DYNC2H1: variants seen among roughly 807,000 people sequenced by gnomAD.
DYNC2H1 encodes the protein cytoplasmic dynein 2 heavy chain 1.
Under a neutral mutation model 570.0 loss-of-function variants are expected in DYNC2H1, and 410 were observed. The observed-to-expected ratio is 0.72, with a 90% CI of 0.66 to 0.78. DYNC2H1 has a LOEUF of 0.78. Among genes scored for constraint, DYNC2H1 ranks in the 30% least tolerant of loss-of-function variants. The probability of loss-of-function intolerance (pLI) is 0.00; values close to 1 mark genes in which losing one functional copy is unlikely to be tolerated. For synonymous variants in DYNC2H1, 1,688 were observed against 1,677.6 expected (o/e 1.01, Z -0.15); for missense variants, 4,865 against 5,046.4 (o/e 0.96, Z 1.09).
chr11:103,359,077 G>T (rs1191338263), intron 83 of DYNC2H1, among the ~76,000 whole-genome samples: 3 of 152,184 alleles, frequency 2.0e-5, no homozygotes, highest in Admixed American at 2.0e-4. Context: ...GAGTTTGGGG[G>T]AAGATTAGAG....
At chr11:103,406,955 A>G (rs1361860790) in intron 84 of DYNC2H1, 1 of 151,966 alleles carries the variant, frequency 6.6e-6, no homozygotes, top group Non-Finnish European at 1.5e-5. Flanking sequence ...GCTATTATTA[A>G]GGATGAAAAT....
At chr11:103,278,161 A>G (rs1225976138) in intron 70 of DYNC2H1, among the ~76,000 whole-genome samples, 3 of 152,068 alleles carry the variant, frequency 2.0e-5, no homozygotes, top group Admixed American at 6.6e-5. Flanking sequence ...TTAGTCTTTC[A>G]TCTTCCATTT....
chr11:103,409,880 C>T (rs1943011755), intron 84 of DYNC2H1, among the ~76,000 whole-genome samples: 2 of 150,548 alleles, frequency 1.3e-5, no homozygotes, highest in Admixed American at 1.3e-4. Flanking sequence ...TTTGTCTTTG[C>T]TTTTTAATGC....
chr11:103,355,431 A>G (rs1282649944), intron 82 of DYNC2H1, among the ~76,000 whole-genome samples: 1 of 152,208 alleles, frequency 6.6e-6, no homozygotes, highest in African/African-American at 2.4e-5. Flanking sequence ...ATAAAATAAA[A>G]CTAAGGAAAC....
At chr11:103,221,016 G>A (rs1338026700) in intron 57 of DYNC2H1, among the ~76,000 whole-genome samples, 1 of 152,046 alleles carries the variant, frequency 6.6e-6, no homozygotes, top group African/African-American at 2.4e-5. Flanking sequence ...GAATACCTTA[G>A]AATGTTTAAG....
At chr11:103,463,748 C>T (rs1460612633) in intron 87 of DYNC2H1, among the ~76,000 whole-genome samples, 2 of 152,096 alleles carry the variant, frequency 1.3e-5, no homozygotes, top group African/African-American at 4.8e-5. Flanking sequence ...TGAGACCCTG[C>T]CGCAAATAAC....
At chr11:103,292,774 C>T (rs1323140352) in intron 75 of DYNC2H1, among the ~76,000 whole-genome samples, 1 of 152,214 alleles carries the variant, frequency 6.6e-6, no homozygotes, top group Non-Finnish European at 1.5e-5. Flanking sequence ...CTGTTCTCAC[C>T]ATGTGAGATG....
rs1406660524 is a variant in DYNC2H1 at position 103,289,674 on chromosome 11, T to G, written c.11095+2069T>G. Among the ~76,000 whole-genome samples the G allele has an allele frequency of 6.6e-6, 1 of 152,040 alleles. No homozygotes were observed. The highest frequency in any genetic ancestry group is 2.4e-5 in the African/African-American group (1 of 41,382). ...TACTCAGGAGGCTGAAGTGGGAGGATTTCTTGAACTCAGGAGTTCAAGGTT... is the reference window on the plus strand; with the variant it reads ...TACTCAGGAGGCTGAAGTGGGAGGAGTTCTTGAACTCAGGAGTTCAAGGTT... On this transcript the variant is annotated intron_variant, in intron 75 of 88. Transcript: ENST00000375735. This position sits in a 1 kb window ranked among gnomAD's most constrained non-coding sequence, Gnocchi z 4.2.
chr11:103,341,562 CTA>C (rs1276337961), intron 82 of DYNC2H1, among the ~76,000 whole-genome samples: 21 of 152,074 alleles, frequency 1.4e-4, no homozygotes, highest in African/African-American at 5.1e-4. Flanking sequence ...GCTCTGGAAT[CTA>C]TATTTTTTTA....
intron 74 of DYNC2H1, among the ~76,000 whole-genome samples, chr11:103,286,733 A>G (rs1357818206): frequency 6.6e-6 from 1 of 152,182 alleles, no homozygotes; most frequent in African/African-American, 2.4e-5. Context: ...AGTGAGTAAC[A>G]GGGGATTTTT....
At chr11:103,448,754 G>A (rs553343861) in intron 85 of DYNC2H1, among the ~76,000 whole-genome samples, 2 of 152,008 alleles carry the variant, frequency 1.3e-5, no homozygotes, top group Non-Finnish European at 2.9e-5. Context: ...CTTGGTTAAG[G>A]TTACTTAAAA....
At chr11:103,196,443 A>C (rs1449532861) in intron 47 of DYNC2H1, among the ~76,000 whole-genome samples, 1 of 152,188 alleles carries the variant, frequency 6.6e-6, no homozygotes, top group Non-Finnish European at 1.5e-5. Context: ...ACAGGTGCTC[A>C]ATAGGTAAGT....
At chr11:103,137,847 TC>T (rs1859662384) in intron 17 of DYNC2H1, among the ~76,000 whole-genome samples, 1 of 151,634 alleles carries the variant, frequency 6.6e-6, no homozygotes, top group Admixed American at 6.6e-5. Flanking sequence ...TGTTGATTCT[TC>T]CTACCCATGA....
intron 75 of DYNC2H1, among the ~76,000 whole-genome samples, chr11:103,301,022 T>G (rs1867023958): frequency 6.6e-6 from 1 of 151,962 alleles, no homozygotes; most frequent in Non-Finnish European, 1.5e-5. Flanking sequence ...AAACACCTGG[T>G]ATTCCATCAT....
intron 83 of DYNC2H1, among the ~76,000 whole-genome samples, chr11:103,370,599 C>T (rs748463418): frequency 5.3e-5 from 8 of 152,152 alleles, no homozygotes; most frequent in Non-Finnish European, 7.3e-5. Context: ...TCACACCACC[C>T]CCAGCTCCAG....
intron 81 of DYNC2H1, among the ~76,000 whole-genome samples, chr11:103,321,769 G>A (rs931899553): frequency 6.6e-6 from 1 of 151,972 alleles, no homozygotes; most frequent in African/African-American, 2.4e-5. Flanking sequence ...CTCCTAGAAT[G>A]TACTCATCTT....
intron 6 of DYNC2H1, among the ~76,000 whole-genome samples, chr11:103,118,930 A>G (rs1156899939): frequency 6.6e-6 from 1 of 152,174 alleles, no homozygotes; most frequent in African/African-American, 2.4e-5. Flanking sequence ...ACTTTTAAAA[A>G]ATGCTTTTAG....
intron 30 of DYNC2H1, among the ~76,000 whole-genome samples, chr11:103,164,363 A>G (rs1861214200): frequency 1.3e-5 from 2 of 152,234 alleles, no homozygotes. Flanking sequence ...ATAGTTCATT[A>G]TCTACTAAAA....
At chr11:103,222,369 A>C (rs1863620387) in intron 58 of DYNC2H1, among the ~76,000 whole-genome samples, 1 of 152,132 alleles carries the variant, frequency 6.6e-6, no homozygotes, top group Non-Finnish European at 1.5e-5. Context: ...GAGTGGTTTT[A>C]ATAGTTTTGT....
Sources: allele counts gnomAD v4.1 joint callset (sites outside exome capture counted in the v4.1 genomes callset), GRCh38; gene constraint gnomAD v4.1.1; non-coding constraint Gnocchi (gnomAD v3.1); transcripts MANE v1.5; gene names NCBI Gene and HGNC (gene_info 2026-07-23, HGNC 2026-07-21).